Variants in FDFT1 observed in about 807,000 individuals in gnomAD.
FDFT1 encodes the protein farnesyl-diphosphate farnesyltransferase 1.
Under a neutral mutation model 46.8 loss-of-function variants are expected in FDFT1, and 68 were observed. The observed-to-expected ratio is 1.45, with a 90% CI of 1.19 to 1.78. The LOEUF (loss-of-function observed/expected upper bound fraction) is 1.78. Ranked by LOEUF, FDFT1 falls within the 40% of genes most tolerant of loss-of-function variation. The pLI, the probability that FDFT1 is intolerant of heterozygous loss-of-function variation, is 0.00. For synonymous variants in FDFT1, 351 were observed against 185.1 expected (o/e 1.90, Z -7.28); for missense variants, 928 against 524.4 (o/e 1.77, Z -7.52).
At chr8:11,802,655 G>A (rs1237911175), upstream of FDFT1, 1 of 607,704 alleles carries the variant, frequency 1.6e-6, no homozygotes, top group African/African-American at 1.9e-5. Context: ...AGCTAGCCCC[G>A]CTGGCGGCCG....
At chr8:11,800,807 C>G (rs973134330), upstream of FDFT1, among the ~76,000 whole-genome samples, 3 of 152,170 alleles carry the variant, frequency 2.0e-5, no homozygotes, top group Non-Finnish European at 2.9e-5. Context: ...GGAGGAAAGT[C>G]TTTGAAGAGG....
chr8:11,808,428 T>C (rs2130713040), intron 1 of FDFT1: 1 of 1,258,356 alleles, frequency 7.9e-7, no homozygotes, highest in East Asian at 3.1e-5. Context: ...CGTATTCGAG[T>C]AGAGGGCGAG....
intron 3 of FDFT1, among the ~76,000 whole-genome samples, chr8:11,818,088 A>G (rs1276496342): frequency 2.6e-5 from 4 of 152,202 alleles, no homozygotes; most frequent in Non-Finnish European, 5.9e-5. Flanking sequence ...TTCAAAGAAC[A>G]TCTTTATTTC....
At chr8:11,824,985 T>A (rs894644235) in intron 4 of FDFT1, among the ~76,000 whole-genome samples, 7 of 152,154 alleles carry the variant, frequency 4.6e-5, no homozygotes, top group African/African-American at 1.4e-4. Flanking sequence ...TCCGCCCGTC[T>A]CAGCTTCCCA....
intron 1 of FDFT1, chr8:11,808,447 G>C (rs1807188594): frequency 7.9e-7 from 1 of 1,269,666 alleles, no homozygotes; most frequent in Non-Finnish European, 9.9e-7. Context: ...AGCCCGTCCC[G>C]CCCCTCGTCG....
chr8:11,804,116 G>C (rs1418644573), intron 1 of FDFT1, among the ~76,000 whole-genome samples: 1 of 152,340 alleles, frequency 6.6e-6, no homozygotes, highest in African/African-American at 2.4e-5. Context: ...GCTAGGTGAA[G>C]ACCTTGATTT....
At chr8:11,796,112 C>A (rs376623614) in intron 1 of FDFT1, 3 of 151,904 alleles carry the variant, frequency 2.0e-5, no homozygotes, top group Non-Finnish European at 2.9e-5. Flanking sequence ...TTAGACATTT[C>A]ATAAATATTT....
chr8:11,818,020 A>ACT (rs1808702473), intron 3 of FDFT1, among the ~76,000 whole-genome samples: 1 of 152,154 alleles, frequency 6.6e-6, no homozygotes, highest in Non-Finnish European at 1.5e-5. Context: ...TTCCCTCTAC[A>ACT]CACTGCTTTA....
chr8:11,819,619 C>T (rs557647111), intron 3 of FDFT1, among the ~76,000 whole-genome samples: 15 of 152,028 alleles, frequency 9.9e-5, no homozygotes, highest in Non-Finnish European at 1.8e-4. Flanking sequence ...GATATCCTTT[C>T]TTCTGCTTGA....
chr8:11,830,559 A>G (rs528044182), intron 6 of FDFT1, 139 bp downstream of exon 6: 18 of 646,788 alleles, frequency 2.8e-5, no homozygotes, highest in South Asian at 7.8e-5. Context: ...TGGGAGTTTC[A>G]TAGCACCCGC....
At chr8:11,822,311 A>C (rs945146077) in intron 4 of FDFT1, among the ~76,000 whole-genome samples, 4 of 150,986 alleles carry the variant, frequency 2.6e-5, no homozygotes, top group African/African-American at 9.8e-5. Flanking sequence ...AGACATCTAA[A>C]GTGTTGATGT....
chr8:11,808,256 C>A, intron 1 of FDFT1: 5 of 1,208,260 alleles, frequency 4.1e-6, no homozygotes, highest in Non-Finnish European at 5.1e-6. Context: ...GACTCTGTCA[C>A]TGGGAGGACG....
Position 11,808,693 on chromosome 8 carries a change from G to A in FDFT1, c.100-101G>A, listed in dbSNP as rs1807243155. On this transcript the variant is annotated intron_variant, in intron 1 of 7. Transcript: ENST00000220584. ...CCTCGGGGAGAGGGCGGCAGGCTGT[G>A]GAGCCGCCTGCCCCAGTCCCACTCC... 6 of 1,471,840 alleles carry A rather than the reference G, an allele frequency of 4.1e-6. No individual in the cohort carries two copies. The highest frequency in any genetic ancestry group is 2.5e-5 in the East Asian group (1 of 39,724). The allele number at this position is 1,471,840 out of a possible 1,614,324, so 91.2% of individuals were successfully genotyped here.
chr8:11,817,395 G>C (rs555293503), intron 3 of FDFT1, among the ~76,000 whole-genome samples: 59 of 152,278 alleles, frequency 3.9e-4, no homozygotes, highest in African/African-American at 1.3e-3. Context: ...AAATGAGTTA[G>C]GGAGGATTCC....
rs546224444 is a variant in FDFT1, at chr8:11,818,344, T to G, written c.382-3406T>G. On this transcript the variant is annotated intron_variant, in intron 3 of 7. Transcript: ENST00000220584. ...GAGAAGAATGTATATTCTGTTGATT[T>G]GGGGTGGAGAGTTCTGTAGATGTCT... is the stretch of plus-strand genomic sequence containing the variant. Among the ~76,000 whole-genome samples the G allele has an allele frequency of 3.6e-3, 548 of 152,328 alleles. 1 individual carries two copies. Among genetic ancestry groups the G allele is most frequent in the Middle Eastern group, 0.024 (7 of 294 alleles).
At chr8:11,811,200 T>TGATG (rs1456508456) in intron 3 of FDFT1, among the ~76,000 whole-genome samples, 2 of 152,214 alleles carry the variant, frequency 1.3e-5, no homozygotes, top group African/African-American at 4.8e-5. Flanking sequence ...ACAGGACACC[T>TGATG]GATGACCAGA....
intron 3 of FDFT1, among the ~76,000 whole-genome samples, chr8:11,817,385 A>T (rs980068258): frequency 2.6e-5 from 4 of 151,280 alleles, no homozygotes; most frequent in African/African-American, 7.2e-5. Context: ...TGGCCTCATA[A>T]AATGAGTTAG....
intron 1 of FDFT1, chr8:11,803,174 C>T: frequency 3.5e-6 from 5 of 1,415,922 alleles, no homozygotes; most frequent in Admixed American, 5.1e-5. Context: ...TGCGTGGTTC[C>T]CGGTGGTTGC....
intron 5 of FDFT1, among the ~76,000 whole-genome samples, chr8:11,827,136 C>A (rs1585973431): frequency 6.6e-6 from 1 of 152,206 alleles, no homozygotes; most frequent in South Asian, 2.1e-4. Flanking sequence ...TTACCTTTTG[C>A]TTTCCATAAA....
Sources: allele counts gnomAD v4.1 joint callset (sites outside exome capture counted in the v4.1 genomes callset), GRCh38; gene constraint gnomAD v4.1.1; transcripts MANE v1.5; gene names NCBI Gene and HGNC (gene_info 2026-07-23, HGNC 2026-07-21).